ECE1: variants seen among roughly 807,000 people sequenced by gnomAD.
The protein encoded by ECE1 is endothelin converting enzyme 1, also known as endothelin-converting enzyme 1.
Under a neutral mutation model 98.6 loss-of-function variants are expected in ECE1, and 35 were observed. The ratio of observed to expected loss-of-function variants is 0.35; its 90% CI spans 0.27 to 0.47. The LOEUF (loss-of-function observed/expected upper bound fraction) is 0.47, where lower values mean the gene tolerates loss of function less well. Ranked by LOEUF, ECE1 falls within the 20% of genes least tolerant of loss-of-function variation. ECE1 has a pLI of 1.00. For synonymous variants in ECE1, 394 were observed against 407.1 expected (o/e 0.97, Z 0.39); for missense variants, 814 against 1,025.3 (o/e 0.79, Z 2.81).
intron 3 of ECE1, among the ~76,000 whole-genome samples, chr1:21,274,507 T>C (rs1182114811): frequency 1.3e-5 from 2 of 152,194 alleles, no homozygotes; most frequent in Non-Finnish European, 2.9e-5. Flanking sequence ...ATTTCACAGA[T>C]TTCACAGTGA....
At chr1:21,297,293 C>T (rs1312618139) in intron 1 of ECE1, among the ~76,000 whole-genome samples, 5 of 152,184 alleles carry the variant, frequency 3.3e-5, no homozygotes, top group Admixed American at 3.3e-4. Context: ...GCCCAAGCCC[C>T]AAACCTGGTC....
At chr1:21,282,937 A>ATTTTT (rs536420247) in intron 2 of ECE1, among the ~76,000 whole-genome samples, 3 of 104,492 alleles carry the variant, frequency 2.9e-5, no homozygotes, top group Non-Finnish European at 3.8e-5. Flanking sequence ...TCACAACATT[A>ATTTTT]TTTTTTTTTT....
chr1:21,220,938 G>A lies in ECE1; in HGVS notation c.2137-807C>T, dbSNP rs571694681. Reference sequence around the variant, plus strand: ...GTAGGGCTGGTGTGCCACCCCCCATGCCAGCAGCCTCTAACGCAGTTGTCT... The same window carrying A: ...GTAGGGCTGGTGTGCCACCCCCCATACCAGCAGCCTCTAACGCAGTTGTCT... On this transcript the variant is annotated intron_variant, in intron 18 of 18. Coordinates refer to ENST00000374893, the MANE Select transcript of ECE1 (RefSeq NM_001397.3). The surrounding 1 kb of genome is among the most constrained non-coding windows in gnomAD (Gnocchi z 5.0). 4.3e-4 allele frequency among the ~76,000 whole-genome samples: 66 copies of A among 152,254 alleles called. No individual in the cohort carries two copies. The highest frequency in any genetic ancestry group is 6.8e-3 in the Middle Eastern group (2 of 294).
chr1:21,284,348 G>A (rs938256091), intron 2 of ECE1, among the ~76,000 whole-genome samples: 3 of 152,228 alleles, frequency 2.0e-5, no homozygotes, highest in Admixed American at 1.3e-4. Context: ...ATGGCCATCC[G>A]CTAAGAGGCA....
At position 21,241,091 on chromosome 1, in the gene ECE1, G is replaced by A. The variant is rs149510210; in HGVS notation, c.1279-2847C>T. On this transcript the variant is annotated intron_variant, in intron 10 of 18. Coordinates refer to ENST00000374893, the MANE Select transcript of ECE1 (RefSeq NM_001397.3). ...TCCACAGCAGTAATCACAGTGAAGTGTAGCAGTGGAGTGAGAGCGGGCCCT... is the reference window on the plus strand; with the variant it reads ...TCCACAGCAGTAATCACAGTGAAGTATAGCAGTGGAGTGAGAGCGGGCCCT... 5.5e-3 allele frequency among the ~76,000 whole-genome samples: 843 copies of A among 152,352 alleles called. 7 individuals are homozygous for A. Among genetic ancestry groups the A allele is most frequent in the African/African-American group, 0.019 (806 of 41,572 alleles).
chr1:21,280,418 T>G (rs28367934), intron 2 of ECE1, among the ~76,000 whole-genome samples: 1 of 151,734 alleles, frequency 6.6e-6, no homozygotes, highest in African/African-American at 2.4e-5. Context: ...CTGGAACGGG[T>G]GATGTCTGGC....
rs1051377512 is a variant in ECE1, at chr1:21,289,955, G to A, written c.138+115C>T. Reference sequence around the variant, plus strand: ...GGCCCCTCCCGGATGCCGGGACGAGGGAGGGGAAGGGAGGGGAAGAGGCGG... The same window carrying A: ...GGCCCCTCCCGGATGCCGGGACGAGAGAGGGGAAGGGAGGGGAAGAGGCGG... On this transcript the variant is annotated intron_variant, in intron 2 of 18. Transcript: ENST00000374893. The A allele has an allele frequency of 5.2e-5, 63 of 1,212,930 alleles. No homozygotes were observed. The East Asian group carries it at 7.7e-4, about 15-fold the overall frequency. The allele number at this position is 1,212,930 out of a possible 1,614,324, so 75.1% of individuals were successfully genotyped here.
intron 1 of ECE1, among the ~76,000 whole-genome samples, chr1:21,326,281 G>A (rs1475974745): frequency 1.3e-5 from 2 of 152,122 alleles, no homozygotes; most frequent in East Asian, 3.9e-4. Flanking sequence ...GGGGTGGCAG[G>A]ATCAAGCTTG....
chr1:21,259,848 G>A (rs1020955015), intron 5 of ECE1, among the ~76,000 whole-genome samples: 12 of 152,126 alleles, frequency 7.9e-5, no homozygotes, highest in African/African-American at 2.9e-4. Flanking sequence ...GAGGGCTCTG[G>A]TTCTGGGCCA....
At chr1:21,291,498 C>T (rs949269756), upstream of ECE1, among the ~76,000 whole-genome samples, 2 of 152,192 alleles carry the variant, frequency 1.3e-5, no homozygotes, top group Non-Finnish European at 2.9e-5. Context: ...CTGACAGCCC[C>T]CTCAGCAGCC....
Position 21,225,379 on chromosome 1 carries a change from G to A in ECE1, c.1911C>T (p.Ala637=), listed in dbSNP as rs1029538658. The change falls in exon 17 of 19, where the codon GCC becomes GCT. Residue 637 remains alanine, a synonymous_variant. Coordinates refer to ENST00000374893, the MANE Select transcript of ECE1 (RefSeq NM_001397.3). The surrounding 1 kb of genome is among the most constrained non-coding windows in gnomAD (Gnocchi z 5.3). ...CCATGCACTCGGTCTGACGCTTGAA[G>A]GCCTCCACGGATGAGTTCTTCCACC... is the stretch of plus-strand genomic sequence containing the variant. The part of the protein sequence containing the change: ...RPWWKNSSVE[A]FKRQTECMVE... 1.9e-6 allele frequency: 3 copies of A among 1,614,214 alleles called. No homozygotes were observed. The highest frequency in any genetic ancestry group is 2.5e-6 in the Non-Finnish European group (3 of 1,180,044).
chr1:21,267,521 G>A (rs926121188), intron 4 of ECE1, among the ~76,000 whole-genome samples: 6 of 152,060 alleles, frequency 3.9e-5, no homozygotes, highest in Admixed American at 6.5e-5. Context: ...GGAAAGAGCC[G>A]CCCCCGTGAT....
At position 21,345,293 on chromosome 1, in the gene ECE1, C is replaced by A; in HGVS notation, c.3+83G>T. On this transcript the variant is annotated intron_variant, in intron 1 of 18. Coordinates refer to the ECE1 transcript ENST00000415912. The surrounding 1 kb of genome is among the most constrained non-coding windows in gnomAD (Gnocchi z 5.1). ...CCCAGCCCCCCGCGAGCCAGGGCGGCCCCGGGTGCCACCCGCGGCACCGCT... is the reference window on the plus strand; with the variant it reads ...CCCAGCCCCCCGCGAGCCAGGGCGGACCCGGGTGCCACCCGCGGCACCGCT... The A allele has an allele frequency of 7.6e-7, 1 of 1,307,624 alleles. No individual in the cohort carries two copies. The allele number at this position is 1,307,624 out of a possible 1,614,324, so 81.0% of individuals were successfully genotyped here.
chr1:21,312,884 A>ATTTT (rs1638758562), intron 1 of ECE1, among the ~76,000 whole-genome samples: 1 of 152,060 alleles, frequency 6.6e-6, no homozygotes, highest in Admixed American at 6.6e-5. Flanking sequence ...GAGAATTAAA[A>ATTTT]TAGTTCAAAG....
At chr1:21,280,757 G>A (rs533869906) in intron 2 of ECE1, among the ~76,000 whole-genome samples, 1 of 152,282 alleles carries the variant, frequency 6.6e-6, no homozygotes, top group Admixed American at 6.5e-5. Context: ...TCTGAAGTGG[G>A]TCAGTTGAGG....
intron 1 of ECE1, among the ~76,000 whole-genome samples, chr1:21,343,533 T>C (rs1002361177): frequency 7.9e-5 from 12 of 152,180 alleles, no homozygotes; most frequent in African/African-American, 2.9e-4. Context: ...GGCTCAAGCT[T>C]GGAAAAGAAA....
rs213016 is a variant in ECE1, at chr1:21,319,581, C to T, written c.3+25795G>A. 0.12 allele frequency among the ~76,000 whole-genome samples: 18,891 copies of T among 152,100 alleles called. 1,454 individuals carry two copies. Among genetic ancestry groups the T allele is most frequent in the East Asian group, 0.37 (1,927 of 5,148 alleles). On this transcript the variant is annotated intron_variant, in intron 1 of 18. Transcript: ENST00000415912. The surrounding 1 kb of genome is among the most constrained non-coding windows in gnomAD (Gnocchi z 4.4). ...CTCAGACTTTCTGCTCCTGGCCTTCCTGGGAGCCCTCCAAGCCAGCAGCTG... is the reference window on the plus strand; with the variant it reads ...CTCAGACTTTCTGCTCCTGGCCTTCTTGGGAGCCCTCCAAGCCAGCAGCTG...
intron 1 of ECE1, among the ~76,000 whole-genome samples, chr1:21,344,453 A>G (rs958222109): frequency 6.6e-6 from 1 of 152,204 alleles, no homozygotes; most frequent in African/African-American, 2.4e-5. Context: ...TCTATAGGGA[A>G]AGAAACCAAA....
rs1341124465 is a variant in ECE1 at position 21,319,282 on chromosome 1, T to C, written c.3+26094A>G. On this transcript the variant is annotated intron_variant, in intron 1 of 18. Transcript: ENST00000415912. The surrounding 1 kb of genome is among the most constrained non-coding windows in gnomAD (Gnocchi z 4.4). ...ATCGCTTGAACCCGGGAAGTGGAGG[T>C]TGCAGTGAGCCGAGATCGCATCACT... Among the ~76,000 whole-genome samples the C allele has an allele frequency of 3.3e-5, 5 of 151,926 alleles. No individual in the cohort carries two copies. Among genetic ancestry groups the C allele is most frequent in the African/African-American group, 7.3e-5 (3 of 41,326 alleles).
Sources: allele counts gnomAD v4.1 joint callset (sites outside exome capture counted in the v4.1 genomes callset), GRCh38; gene constraint gnomAD v4.1.1; non-coding constraint Gnocchi (gnomAD v3.1); transcripts MANE v1.5; gene names NCBI Gene and HGNC (gene_info 2026-07-23, HGNC 2026-07-21).